Variants in ELP4 observed in about 807,000 individuals in gnomAD.
ELP4 encodes elongator acetyltransferase complex subunit 4.
ELP4 carries 51 observed loss-of-function variants against 48.9 expected under a neutral mutation model. The observed-to-expected ratio is 1.04, with a 90% CI of 0.83 to 1.32. The LOEUF is 1.32. Among genes scored for constraint, ELP4 ranks in the 40% most tolerant of loss-of-function variants. The pLI is 0.00. For missense variants in ELP4, 519 were observed against 514.6 expected (o/e 1.01, Z -0.08); for synonymous variants, 210 against 189.2 (o/e 1.11, Z -0.90).
intron 9 of ELP4, among the ~76,000 whole-genome samples, chr11:31,743,314 C>T (rs1185879343): frequency 1.3e-5 from 2 of 152,090 alleles, no homozygotes; most frequent in African/African-American, 2.4e-5. Context: ...TTTAACACCC[C>T]ACTATCAACA....
intron 9 of ELP4, among the ~76,000 whole-genome samples, chr11:31,737,861 C>T (rs1947353782): frequency 6.6e-6 from 1 of 152,078 alleles, no homozygotes; most frequent in Non-Finnish European, 1.5e-5. Flanking sequence ...AATGTATAGC[C>T]ACTGTGGAAA....
chr11:31,627,074 C>T (rs1428048428), intron 5 of ELP4, 36 bp from the exon 6 acceptor site: 9 of 1,175,412 alleles, frequency 7.7e-6, no homozygotes, highest in South Asian at 1.3e-5. Context: ...ATGTAATAAC[C>T]CATTTATGTA....
intron 9 of ELP4, among the ~76,000 whole-genome samples, chr11:31,674,173 G>A (rs1248527336): frequency 2.0e-5 from 3 of 152,124 alleles, no homozygotes; most frequent in African/African-American, 7.2e-5. Flanking sequence ...TATTGGAAGT[G>A]AACAATAGAC....
chr11:31,579,658 C>G (rs1015806198), intron 3 of ELP4, among the ~76,000 whole-genome samples: 5 of 151,806 alleles, frequency 3.3e-5, no homozygotes, highest in Non-Finnish European at 7.4e-5. Flanking sequence ...AGCTGGAAAC[C>G]ATCATTCTGA....
chr11:31,739,037 C>G (rs965662200), intron 9 of ELP4, among the ~76,000 whole-genome samples: 5 of 152,052 alleles, frequency 3.3e-5, no homozygotes, highest in African/African-American at 1.2e-4. Context: ...TGCTGCACAC[C>G]TAAAAAGTCA....
chr11:31,639,544 A>C (rs1476934142), intron 7 of ELP4, among the ~76,000 whole-genome samples: 5 of 151,928 alleles, frequency 3.3e-5, no homozygotes, highest in Non-Finnish European at 7.4e-5. Context: ...TTATACGTAT[A>C]TATTTAATTT....
chr11:31,572,561 T>C (rs1393320858), intron 3 of ELP4, among the ~76,000 whole-genome samples: 2 of 152,214 alleles, frequency 1.3e-5, no homozygotes, highest in African/African-American at 4.8e-5. Context: ...TTCGTTTTCA[T>C]TTTCTGTTAG....
chr11:31,575,536 G>A (rs999655465), intron 3 of ELP4, among the ~76,000 whole-genome samples: 1 of 152,234 alleles, frequency 6.6e-6, no homozygotes, highest in Admixed American at 6.5e-5. Context: ...AGGGCAGCCA[G>A]AGAGAAAGGT....
chr11:31,647,552 C>A, intron 7 of ELP4, 189 bp from the exon 8 acceptor site: 2 of 479,912 alleles, frequency 4.2e-6, no homozygotes, highest in Non-Finnish European at 7.5e-6. Context: ...ACTACATGGG[C>A]CAGCATTTTC....
rs1945055838 is a variant in ELP4 at position 31,639,891 on chromosome 11, G to T, written c.927+7486G>T. ...TGTTCATACTGTTATTCATTCTGTA[G>T]TTCCTATAATGGTAGTAGTTATTAG... On this transcript the variant is annotated intron_variant, in intron 7 of 9. Transcript: ENST00000640961. 2.0e-5 allele frequency among the ~76,000 whole-genome samples: 3 copies of T among 151,960 alleles called. No individual in the cohort carries two copies. In the Middle Eastern group the frequency reaches 0.01, roughly 517 times the overall value.
chr11:31,715,457 A>G (rs1404569707), intron 9 of ELP4, among the ~76,000 whole-genome samples: 1 of 152,236 alleles, frequency 6.6e-6, no homozygotes, highest in Non-Finnish European at 1.5e-5. Flanking sequence ...TTCCCAAAAG[A>G]CATGCACACA....
intron 3 of ELP4, among the ~76,000 whole-genome samples, chr11:31,564,328 AT>A (rs1246516901): frequency 6.6e-6 from 1 of 150,562 alleles, no homozygotes; most frequent in Non-Finnish European, 1.5e-5. Context: ...TATAGAGTAG[AT>A]TTTTTTTCCA....
intron 1 of ELP4, among the ~76,000 whole-genome samples, chr11:31,514,466 A>G (rs924696431): frequency 3.9e-5 from 6 of 152,194 alleles, no homozygotes; most frequent in African/African-American, 1.4e-4. Flanking sequence ...CAAAAAAAGA[A>G]GAATTTATTT....
chr11:31,681,245 G>A (rs958978935), intron 9 of ELP4, among the ~76,000 whole-genome samples: 5 of 152,158 alleles, frequency 3.3e-5, no homozygotes, highest in African/African-American at 1.2e-4. Flanking sequence ...TAACAGTCAT[G>A]TATAATTAGG....
chr11:31,629,609 TTTG>T (rs1343730988), intron 6 of ELP4, among the ~76,000 whole-genome samples: 1 of 152,058 alleles, frequency 6.6e-6, no homozygotes, highest in Non-Finnish European at 1.5e-5. Flanking sequence ...TAACAGCATT[TTTG>T]TTGTAAACTT....
Position 31,783,489 on chromosome 11 carries a change from A to G in ELP4, c.1240A>G (p.Met414Val), listed in dbSNP as rs767194691. ...SAKRLGPGCGMMAGGKKHLDF is the reference protein window; with the variant it reads ...SAKRLGPGCGVMAGGKKHLDF ...CAAGCGGCTGGGCCCAGGCTGTGGCATGATGGCCGGAGGCAAGAAGCACCT... is the reference window on the plus strand; with the variant it reads ...CAAGCGGCTGGGCCCAGGCTGTGGCGTGATGGCCGGAGGCAAGAAGCACCT... The change falls in exon 10 of 10, where the codon ATG becomes GTG. Residue 414 changes from methionine (M) to valine (V), a missense_variant. Coordinates refer to ENST00000640961, the MANE Select transcript of ELP4 (RefSeq NM_019040.5). 2.5e-6 allele frequency: 4 copies of G among 1,614,152 alleles called. No individual in the cohort carries two copies. Among genetic ancestry groups the G allele is most frequent in the Non-Finnish European group, 3.4e-6 (4 of 1,179,978 alleles).
chr11:31,546,893 C>T (rs1263736308), intron 3 of ELP4, among the ~76,000 whole-genome samples: 8 of 152,214 alleles, frequency 5.3e-5, no homozygotes, highest in African/African-American at 1.7e-4. Context: ...CTACTGGGTA[C>T]ATAACAAAAT....
chr11:31,556,319 C>G (rs1341028310), intron 3 of ELP4, among the ~76,000 whole-genome samples: 1 of 151,870 alleles, frequency 6.6e-6, no homozygotes, highest in Admixed American at 6.6e-5. Context: ...AAGAAATTTT[C>G]TTCATCATCT....
chr11:31,756,904 T>C (rs1281739755), intron 9 of ELP4, among the ~76,000 whole-genome samples: 1 of 152,234 alleles, frequency 6.6e-6, no homozygotes, highest in African/African-American at 2.4e-5. Flanking sequence ...GCATAAACGA[T>C]GGCTGATAAC....
Sources: gnomAD v4.1 joint callset for allele counts (sites outside exome capture counted in the v4.1 genomes callset) on GRCh38, gnomAD v4.1.1 for gene constraint, MANE v1.5 for transcripts, NCBI Gene and HGNC (gene_info 2026-07-23, HGNC 2026-07-21) for gene names.